The following VDAC3 variants were observed in gnomAD, a reference collection of about 807,000 sequenced individuals.
VDAC3 encodes the protein voltage dependent anion channel 3, also known as non-selective voltage-gated ion channel VDAC3.
In VDAC3, 7 loss-of-function variants were observed where a neutral mutation model predicts 33.9. The ratio of observed to expected loss-of-function variants is 0.21; its 90% CI spans 0.12 to 0.39. The LOEUF (loss-of-function observed/expected upper bound fraction) is 0.39, where lower values mean the gene tolerates loss of function less well. Ranked by LOEUF, VDAC3 falls within the 10% of genes least tolerant of loss-of-function variation. VDAC3 has a pLI of 1.00. For missense variants in VDAC3, 261 were observed against 334.5 expected, an observed-to-expected ratio of 0.78 and a Z score of 1.71; for synonymous variants, 100 against 122.4, an observed-to-expected ratio of 0.82 and a Z score of 1.21.
At chr8:42,405,333 A>G (rs756918091) in intron 9 of VDAC3, 38 bp from the exon 10 acceptor site, 1 of 1,526,850 alleles carries the variant, frequency 6.5e-7, no homozygotes, top group Non-Finnish European at 9.1e-7. Context: ...TAATTGTAAT[A>G]CTTGTTTCAA....
At chr8:42,393,621 G>C (rs1802248904) in intron 1 of VDAC3, among the ~76,000 whole-genome samples, 1 of 152,186 alleles carries the variant, frequency 6.6e-6, no homozygotes, top group African/African-American at 2.4e-5. Context: ...TTGGTAAGCA[G>C]GTTGCTGCAG....
intron 4 of VDAC3, chr8:42,397,580 C>G (rs2130887457): frequency 6.6e-6 from 1 of 152,306 alleles, no homozygotes; most frequent in South Asian, 2.1e-4. Flanking sequence ...CTGCTTTCCC[C>G]AGAAGGAGGT....
chr8:42,396,820 C>A, intron 4 of VDAC3: 1 of 594,352 alleles, frequency 1.7e-6, no homozygotes, highest in Non-Finnish European at 3.0e-6. Flanking sequence ...ATCTACTTAA[C>A]AGTAACATTT....
intron 4 of VDAC3, among the ~76,000 whole-genome samples, chr8:42,398,147 C>T (rs1296474566): frequency 6.6e-6 from 1 of 151,980 alleles, no homozygotes; most frequent in Non-Finnish European, 1.5e-5. Context: ...TTAGTAAAGG[C>T]ATTTGTTTTC....
chr8:42,395,995 C>T (rs1212287235), intron 4 of VDAC3, among the ~76,000 whole-genome samples: 7 of 150,552 alleles, frequency 4.6e-5, no homozygotes, highest in African/African-American at 7.4e-5. Flanking sequence ...CGGTGGCTCA[C>T]GCCTGTGATC....
chr8:42,400,305 G>A (rs566825018), intron 6 of VDAC3, among the ~76,000 whole-genome samples: 1 of 151,324 alleles, frequency 6.6e-6, no homozygotes, highest in African/African-American at 2.4e-5. Flanking sequence ...CTCCAGCCTG[G>A]GCAACAGAGC....
intron 8 of VDAC3, among the ~76,000 whole-genome samples, chr8:42,403,736 C>T (rs1291626603): frequency 2.6e-5 from 4 of 152,090 alleles, no homozygotes; most frequent in Admixed American, 6.5e-5. Context: ...ATTAGGTGGG[C>T]GTGGTAGGTG....
chr8:42,399,573 A>G, intron 5 of VDAC3, 78 bp from the exon 6 acceptor site: 2 of 1,359,208 alleles, frequency 1.5e-6, no homozygotes, highest in Non-Finnish European at 2.0e-6. Context: ...AGAACTCAGG[A>G]AACTTTAGAA....
At chr8:42,395,033 T>C (rs1802280371) in intron 3 of VDAC3, 51 bp from the exon 4 acceptor site, 3 of 1,610,514 alleles carry the variant, frequency 1.9e-6, no homozygotes, top group Non-Finnish European at 2.5e-6. Context: ...CAAAAACTAG[T>C]GAATGTCACA....
chr8:42,404,128 C>G (rs1291157370), intron 8 of VDAC3, among the ~76,000 whole-genome samples: 1 of 152,130 alleles, frequency 6.6e-6, no homozygotes, highest in Non-Finnish European at 1.5e-5. Context: ...ATTTAACGCT[C>G]ACAACCACTC....
intron 9 of VDAC3, 144 bp from the exon 10 acceptor site, chr8:42,405,227 A>G (rs1802479415): frequency 1.4e-6 from 1 of 690,238 alleles, no homozygotes; most frequent in South Asian, 1.9e-5. Flanking sequence ...ATAGTTATAA[A>G]TAACCGATTG....
intron 4 of VDAC3, among the ~76,000 whole-genome samples, chr8:42,397,930 A>G (rs1802344137): frequency 6.6e-6 from 1 of 151,262 alleles, no homozygotes; most frequent in Admixed American, 6.5e-5. Flanking sequence ...GGTAAAATGT[A>G]TGTTACATGT....
intron 6 of VDAC3, 131 bp downstream of exon 6, chr8:42,399,834 G>A: frequency 1.3e-6 from 1 of 748,280 alleles, no homozygotes; most frequent in South Asian, 1.9e-5. Context: ...GAATATTGGA[G>A]ACCTTGTATA....
At chr8:42,395,386 A>G (rs1351142642) in intron 4 of VDAC3, among the ~76,000 whole-genome samples, 1 of 152,230 alleles carries the variant, frequency 6.6e-6, no homozygotes, top group Non-Finnish European at 1.5e-5. Context: ...TTTTTGACCC[A>G]TGTCATATGT....
At chr8:42,394,144 A>G in intron 2 of VDAC3, 66 bp from the exon 3 acceptor site, 1 of 1,424,634 alleles carries the variant, frequency 7.0e-7, no homozygotes, top group South Asian at 1.1e-5. Flanking sequence ...TAAACAGCAG[A>G]AGAACTGTGG....
rs1032487986 is a variant in VDAC3, at chr8:42,401,854, T to C, written c.390T>C (p.Asp130=). 4 of 1,614,212 alleles carry C rather than the reference T, an allele frequency of 2.5e-6. No homozygotes were observed. The Middle Eastern group carries it at 4.9e-4, about 200-fold the overall frequency. Residue 130 remains aspartate, a synonymous_variant, in exon 7 of 10, where the codon GAT becomes GAC. Coordinates refer to ENST00000022615, the MANE Select transcript of VDAC3 (RefSeq NM_005662.7). ...GTTTTAGTGTTGGCAGTAATGTTGA[T>C]ATAGATTTTTCTGGACCAACCATCT... ...RDCFSVGSNV[D]IDFSGPTIYG... is the part of the protein sequence containing the mutation.
In VDAC3 at chr8:42,398,786, C is replaced by G. The variant is rs1192050950; in HGVS notation, c.192C>G (p.Val64=). 1 of 1,614,000 alleles carries G rather than the reference C, an allele frequency of 6.2e-7. No individual in the cohort carries two copies. The highest frequency in any genetic ancestry group is 1.1e-5 in the South Asian group (1 of 91,074). ...GCAACCTAGAAACCAAATATAAGGT[C>G]TGTAACTATGGACTTACCTTCACCC... ...ASGNLETKYK[V]CNYGLTFTQK... The change falls in exon 5 of 10, where the codon GTC becomes GTG. Residue 64 remains valine (V), a synonymous_variant. Coordinates refer to ENST00000022615, the MANE Select transcript of VDAC3 (RefSeq NM_005662.7).
At chr8:42,392,143 G>A (rs1403029133) in intron 1 of VDAC3, among the ~76,000 whole-genome samples, 4 of 152,170 alleles carry the variant, frequency 2.6e-5, no homozygotes, top group Non-Finnish European at 4.4e-5. Flanking sequence ...TGGCCTCCGG[G>A]CGCGGGCAGC....
At chr8:42,404,287 C>T (rs1181326716) in intron 8 of VDAC3, among the ~76,000 whole-genome samples, 3 of 152,224 alleles carry the variant, frequency 2.0e-5, no homozygotes, top group Middle Eastern at 3.4e-3. Context: ...AAGTTCATGC[C>T]GTAACCACTG....
Sources: allele counts gnomAD v4.1 joint callset (sites outside exome capture counted in the v4.1 genomes callset), GRCh38; gene constraint gnomAD v4.1.1; transcripts MANE v1.5; gene names NCBI Gene and HGNC (gene_info 2026-07-23, HGNC 2026-07-21).